The following MOB1B variants were observed in gnomAD, a reference collection of about 807,000 sequenced individuals.
MOB1B encodes the protein MOB1 Mps One Binder homolog B.
Under a neutral mutation model 24.4 loss-of-function variants are expected in MOB1B, and 19 were observed. The observed-to-expected ratio is 0.78, with a 90% CI of 0.54 to 1.14. The LOEUF is 1.14. MOB1B is among the 50% of genes most tolerant of loss of function. MOB1B has a pLI of 0.00. For missense variants in MOB1B, 243 were observed against 259.6 expected (o/e 0.94, Z 0.44); for synonymous variants, 76 against 82.1 (o/e 0.93, Z 0.40).
chr4:70,927,014 AAAG>A (rs1288609060), intron 1 of MOB1B, among the ~76,000 whole-genome samples: 1 of 150,810 alleles, frequency 6.6e-6, no homozygotes, highest in Non-Finnish European at 1.5e-5. Flanking sequence ...AAAAAAAAAA[AAAG>A]AAATAAGATG....
chr4:70,912,372 T>C (rs1226660529), intron 1 of MOB1B, among the ~76,000 whole-genome samples: 1 of 151,886 alleles, frequency 6.6e-6, no homozygotes, highest in Non-Finnish European at 1.5e-5. Flanking sequence ...CTCTGCCTCC[T>C]GGGTTCAAGT....
At position 70,979,394 on chromosome 4, in the gene MOB1B, C is replaced by A. The variant is rs999536176; in HGVS notation, c.573+103C>A. On this transcript the variant is annotated intron_variant, in intron 5 of 5. Transcript: ENST00000309395. Reference sequence around the variant, plus strand: ...ACTGTCAGGATGGAATTTGCCATATCTCTGTAGTCTGCATCCTCTTCTACA... The same window carrying A: ...ACTGTCAGGATGGAATTTGCCATATATCTGTAGTCTGCATCCTCTTCTACA... 6.2e-5 allele frequency: 52 copies of A among 836,920 alleles called. No homozygotes were observed. The African/African-American group carries it at 8.7e-4, about 14-fold the overall frequency. The allele number at this position is 836,920 out of a possible 1,614,324, so 51.8% of individuals were successfully genotyped here.
intron 1 of MOB1B, among the ~76,000 whole-genome samples, chr4:70,950,433 A>G (rs1737755038): frequency 6.6e-6 from 1 of 151,048 alleles, no homozygotes; most frequent in East Asian, 1.9e-4. Flanking sequence ...GTATCAAAAA[A>G]AAAAAAAAAA....
At chr4:70,975,414 T>C in intron 4 of MOB1B, 128 bp downstream of exon 4, 4 of 1,398,372 alleles carry the variant, frequency 2.9e-6, no homozygotes, top group Non-Finnish European at 3.7e-6. Flanking sequence ...ATGTATATGT[T>C]ACGCAGTTCC....
intron 2 of MOB1B, among the ~76,000 whole-genome samples, chr4:70,969,042 G>T (rs1333549277): frequency 6.6e-6 from 1 of 152,202 alleles, no homozygotes; most frequent in Non-Finnish European, 1.5e-5. Flanking sequence ...ATCTGTGTTT[G>T]CATCTGTTTC....
intron 1 of MOB1B, among the ~76,000 whole-genome samples, chr4:70,928,388 C>T (rs754313836): frequency 1.1e-4 from 17 of 148,446 alleles, no homozygotes; most frequent in Non-Finnish European, 2.2e-4. Flanking sequence ...CTCTGCCTCC[C>T]GGGTTCAAGC....
At chr4:70,935,684 G>T (rs768871731) in intron 1 of MOB1B, among the ~76,000 whole-genome samples, 3 of 151,144 alleles carry the variant, frequency 2.0e-5, no homozygotes, top group South Asian at 2.1e-4. Context: ...TTGAGACAGG[G>T]TCTTACTCTG....
At chr4:70,905,162 G>A (rs1022480751) in intron 1 of MOB1B, among the ~76,000 whole-genome samples, 1 of 151,902 alleles carries the variant, frequency 6.6e-6, no homozygotes, top group South Asian at 2.1e-4. Context: ...ACATGGAAAT[G>A]ATTATTATTG....
At chr4:70,969,170 C>A (rs546523163) in intron 2 of MOB1B, among the ~76,000 whole-genome samples, 21 of 152,296 alleles carry the variant, frequency 1.4e-4, no homozygotes, top group African/African-American at 4.3e-4. Flanking sequence ...CATATTCCGT[C>A]ACGCAGGCTG....
At chr4:70,919,989 T>G (rs1736358158) in intron 1 of MOB1B, among the ~76,000 whole-genome samples, 1 of 152,200 alleles carries the variant, frequency 6.6e-6, no homozygotes, top group Non-Finnish European at 1.5e-5. Flanking sequence ...AGAAACAGCT[T>G]ATGACCCTAA....
chr4:70,926,403 T>C (rs1393506575), intron 1 of MOB1B, among the ~76,000 whole-genome samples: 1 of 152,174 alleles, frequency 6.6e-6, no homozygotes, highest in Non-Finnish European at 1.5e-5. Context: ...TCTTAGTTTC[T>C]ATTTCCTCTG....
At chr4:70,958,722 T>C (rs745421664) in intron 1 of MOB1B, 152 bp from the exon 2 acceptor site, 1 of 845,456 alleles carries the variant, frequency 1.2e-6, no homozygotes, top group Admixed American at 1.7e-5. Context: ...CAGAGAAAGT[T>C]TGTAGGAGTT....
chr4:70,948,073 A>G (rs1325289881), intron 1 of MOB1B, among the ~76,000 whole-genome samples: 1 of 152,146 alleles, frequency 6.6e-6, no homozygotes, highest in East Asian at 1.9e-4. Flanking sequence ...TTTTAGGTCT[A>G]TCATCTAATT....
At chr4:70,957,434 C>CTTT (rs750809076) in intron 1 of MOB1B, among the ~76,000 whole-genome samples, 1 of 141,894 alleles carries the variant, frequency 7.0e-6, no homozygotes, top group East Asian at 2.0e-4. Context: ...CTCTCTCTCT[C>CTTT]TTTTTTTTTT....
At chr4:70,981,738 A>G (rs1388932674) in intron 5 of MOB1B, among the ~76,000 whole-genome samples, 1 of 152,206 alleles carries the variant, frequency 6.6e-6, no homozygotes, top group Non-Finnish European at 1.5e-5. Flanking sequence ...TATCACATTT[A>G]GTCCCCACAA....
chr4:70,966,749 G>C (rs73827063), intron 2 of MOB1B, among the ~76,000 whole-genome samples: 9,631 of 152,014 alleles, frequency 0.063, 629 homozygotes, highest in African/African-American at 0.15. Context: ...AATTACTCAA[G>C]GAGATTGAGG....
At chr4:70,915,255 A>G (rs1004316178) in intron 1 of MOB1B, among the ~76,000 whole-genome samples, 3 of 152,212 alleles carry the variant, frequency 2.0e-5, no homozygotes, top group African/African-American at 7.2e-5. Context: ...TATTTGGGTA[A>G]TAGTGTCATC....
intron 1 of MOB1B, among the ~76,000 whole-genome samples, chr4:70,903,219 T>C (rs529056732): frequency 6.6e-6 from 1 of 152,322 alleles, no homozygotes; most frequent in African/African-American, 2.4e-5. Context: ...AGGATGAGTT[T>C]TATCTTTTTA....
rs1362646679 is a variant in MOB1B, at chr4:70,979,308, G to C, written c.573+17G>C. On this transcript the variant is annotated intron_variant, in intron 5 of 5. Coordinates refer to ENST00000309395, the MANE Select transcript of MOB1B (RefSeq NM_173468.4). Reference sequence around the variant, plus strand: ...TTTGTCCAGGTAAGTTGGATTAGGAGGCCTTTGGTGCTCAGGGTAAGCATT... The same window carrying C: ...TTTGTCCAGGTAAGTTGGATTAGGACGCCTTTGGTGCTCAGGGTAAGCATT... 20 of 1,599,828 alleles carry C rather than the reference G, an allele frequency of 1.3e-5. No individual in the cohort carries two copies. Among genetic ancestry groups the C allele is most frequent in the Non-Finnish European group, 1.6e-5 (19 of 1,170,080 alleles).
Sources: gnomAD v4.1 joint callset for allele counts (sites outside exome capture counted in the v4.1 genomes callset) on GRCh38, gnomAD v4.1.1 for gene constraint, MANE v1.5 for transcripts, NCBI Gene and HGNC (gene_info 2026-07-23, HGNC 2026-07-21) for gene names.